GAP43: variants seen among roughly 807,000 people sequenced by gnomAD.
The protein encoded by GAP43 is neuromodulin.
GAP43 carries 6 observed loss-of-function variants against 18.6 expected under a neutral mutation model. The observed-to-expected ratio is 0.32, with a 90% confidence interval of 0.18 to 0.64. The LOEUF is 0.64. Ranked by LOEUF, GAP43 falls within the 30% of genes least tolerant of loss-of-function variation. The pLI is 0.78. For synonymous variants in GAP43, 115 were observed against 111.4 expected (o/e 1.03, Z -0.20); for missense variants, 292 against 295.5 (o/e 0.99, Z 0.09).
intron 1 of GAP43, among the ~76,000 whole-genome samples, chr3:115,669,985 ATT>A (rs1246327926): frequency 8.2e-5 from 9 of 109,942 alleles, no homozygotes; most frequent in Non-Finnish European, 1.7e-4. Flanking sequence ...TTTTTTTTTA[ATT>A]TTTTTTTTAA....
intron 1 of GAP43, among the ~76,000 whole-genome samples, chr3:115,659,172 G>C (rs1708625749): frequency 6.6e-6 from 1 of 152,164 alleles, no homozygotes; most frequent in Admixed American, 6.5e-5. Flanking sequence ...CGGACCTTTG[G>C]AAACTAAACA....
intron 2 of GAP43, among the ~76,000 whole-genome samples, chr3:115,685,746 T>C (rs283369): frequency 0.66 from 99,700 of 152,114 alleles, 34,130 homozygotes; most frequent in Admixed American, 0.77. Flanking sequence ...AGTAATGTGG[T>C]TTCAGTGTTC....
At chr3:115,716,791 G>A (rs1463996216) in intron 2 of GAP43, among the ~76,000 whole-genome samples, 1 of 125,592 alleles carries the variant, frequency 8.0e-6, no homozygotes, top group Non-Finnish European at 1.7e-5. Flanking sequence ...GAGAGAGAGA[G>A]TTTTATATGT....
At chr3:115,701,741 C>A (rs1050210661) in intron 2 of GAP43, among the ~76,000 whole-genome samples, 2 of 151,966 alleles carry the variant, frequency 1.3e-5, no homozygotes, top group African/African-American at 4.8e-5. Context: ...CTGCTGTTGA[C>A]CTTCTATTTT....
intron 2 of GAP43, among the ~76,000 whole-genome samples, chr3:115,704,362 G>A (rs1408473659): frequency 6.6e-6 from 1 of 151,996 alleles, no homozygotes; most frequent in Non-Finnish European, 1.5e-5. Flanking sequence ...TCATTCTCCA[G>A]TAACTCTTAT....
chr3:115,661,474 TTTTG>T (rs1011890881), intron 1 of GAP43, among the ~76,000 whole-genome samples: 23 of 152,184 alleles, frequency 1.5e-4, no homozygotes, highest in African/African-American at 2.2e-4. Flanking sequence ...ATGACTTTGT[TTTTG>T]TTTGTTTGTT....
chr3:115,644,436 C>T lies in GAP43; in HGVS notation c.30+20717C>T, dbSNP rs1373711055. 4.6e-5 allele frequency among the ~76,000 whole-genome samples: 7 copies of T among 151,946 alleles called. No individual in the cohort carries two copies. The highest frequency in any genetic ancestry group is 1.4e-4 in the African/African-American group (6 of 41,388). On this transcript the variant is annotated intron_variant, in intron 1 of 2. Transcript: ENST00000305124. The surrounding 1 kb of genome is among the most constrained non-coding windows in gnomAD (Gnocchi z 4.2). ...CAAACCTGTAGCAATAAGTCAGTCACCGTGAAGCATTCTAAGCACTGAATA... is the reference window on the plus strand; with the variant it reads ...CAAACCTGTAGCAATAAGTCAGTCATCGTGAAGCATTCTAAGCACTGAATA...
chr3:115,683,147 G>GCGCACACACACACACACACACACACA (rs1252333447), intron 2 of GAP43, among the ~76,000 whole-genome samples: 1 of 127,396 alleles, frequency 7.8e-6, no homozygotes, highest in African/African-American at 3.0e-5. Flanking sequence ...GCGCGCGCGC[G>GCGCACACACACACACACACACACACA]CACACACACA....
At chr3:115,690,421 A>T (rs1559802193) in intron 2 of GAP43, among the ~76,000 whole-genome samples, 1 of 152,142 alleles carries the variant, frequency 6.6e-6, no homozygotes, top group African/African-American at 2.4e-5. Context: ...TTTCAGAAAC[A>T]TTTTTTTACT....
intron 2 of GAP43, among the ~76,000 whole-genome samples, chr3:115,709,065 A>C (rs1413599107): frequency 2.0e-5 from 3 of 149,992 alleles, no homozygotes; most frequent in Non-Finnish European, 4.4e-5. Context: ...GTTTAAATTT[A>C]GTAAAATAGA....
intron 2 of GAP43, among the ~76,000 whole-genome samples, chr3:115,715,287 T>C (rs927152196): frequency 6.6e-6 from 1 of 152,202 alleles, no homozygotes; most frequent in African/African-American, 2.4e-5. Context: ...AAAAGTACTA[T>C]TCAGAGGCAA....
chr3:115,683,983 A>G (rs1709000068), intron 2 of GAP43, among the ~76,000 whole-genome samples: 1 of 152,208 alleles, frequency 6.6e-6, no homozygotes, highest in Non-Finnish European at 1.5e-5. Flanking sequence ...AGCAATCCTC[A>G]CACTTATTTG....
chr3:115,706,070 A>C (rs965227882), intron 2 of GAP43, among the ~76,000 whole-genome samples: 2 of 152,148 alleles, frequency 1.3e-5, no homozygotes, highest in East Asian at 3.9e-4. Context: ...AGTGTTTTGC[A>C]TAAGTAGAAA....
chr3:115,716,750 AT>A, intron 2 of GAP43, among the ~76,000 whole-genome samples: 1 of 127,552 alleles, frequency 7.8e-6, no homozygotes, highest in African/African-American at 3.0e-5. Flanking sequence ...ATATATATAT[AT>A]ATATATATAT....
intron 2 of GAP43, among the ~76,000 whole-genome samples, chr3:115,713,953 C>T (rs1040742283): frequency 3.9e-5 from 6 of 152,144 alleles, no homozygotes; most frequent in South Asian, 2.1e-4. Flanking sequence ...TGACCCAGGA[C>T]GAATTACGCT....
rs1315295898 is a variant in GAP43 at position 115,644,030 on chromosome 3, A to T, written c.30+20311A>T. Among the ~76,000 whole-genome samples the T allele has an allele frequency of 6.6e-6, 1 of 152,078 alleles. No homozygotes were observed. Among genetic ancestry groups the T allele is most frequent in the Non-Finnish European group, 1.5e-5 (1 of 67,982 alleles). ...TTGCTTTTCCTTAATCTGAACCAGC[A>T]GTAACCCATATATTTCTTTCAACCT... On this transcript the variant is annotated intron_variant, in intron 1 of 2. Coordinates refer to ENST00000305124, the MANE Select transcript of GAP43 (RefSeq NM_002045.4). This position sits in a 1 kb window ranked among gnomAD's most constrained non-coding sequence, Gnocchi z 4.2.
chr3:115,685,054 T>A (rs901239067), intron 2 of GAP43, among the ~76,000 whole-genome samples: 2 of 152,188 alleles, frequency 1.3e-5, no homozygotes, highest in African/African-American at 4.8e-5. Context: ...GTGACAATAC[T>A]TTGAATGAAT....
intron 2 of GAP43, among the ~76,000 whole-genome samples, chr3:115,707,128 C>T (rs372429641): frequency 3.3e-5 from 5 of 151,998 alleles, no homozygotes; most frequent in African/African-American, 7.2e-5. Flanking sequence ...CACTTATAAG[C>T]GCTTACTTAA....
chr3:115,656,788 C>A (rs58318048), intron 1 of GAP43, among the ~76,000 whole-genome samples: 7,157 of 152,098 alleles, frequency 0.047, 545 homozygotes, highest in African/African-American at 0.16. Context: ...ACAGAAATAA[C>A]CTAAAATTTC....
Sources: allele counts gnomAD v4.1 joint callset (sites outside exome capture counted in the v4.1 genomes callset), GRCh38; gene constraint gnomAD v4.1.1; non-coding constraint Gnocchi (gnomAD v3.1); transcripts MANE v1.5; gene names NCBI Gene and HGNC (gene_info 2026-07-23, HGNC 2026-07-21).